Variants in KCNH1 observed in about 807,000 individuals in gnomAD.
KCNH1 encodes potassium voltage-gated channel subfamily H member 1, also known as voltage-gated delayed rectifier potassium channel KCNH1.
Under a neutral mutation model 69.2 loss-of-function variants are expected in KCNH1, and 27 were observed. The observed-to-expected ratio is 0.39, with a 90% CI of 0.29 to 0.54. KCNH1 has a LOEUF of 0.54. KCNH1 is among the 20% of genes least tolerant of loss of function. The pLI is 0.68. For missense variants in KCNH1, 798 were observed against 1,261.6 expected, an observed-to-expected ratio of 0.63 and a Z score of 5.57; for synonymous variants, 456 against 487.7, an observed-to-expected ratio of 0.93 and a Z score of 0.86.
rs761542889 is a variant in KCNH1 at position 210,678,444 on chromosome 1, C to T, written c.*4837G>A. Reference sequence around the variant, plus strand: ...GGGCCTGCACGTTCCTCTTAACATTCCCAAGCCACAGATATACAGTGGTGT... The same window carrying T: ...GGGCCTGCACGTTCCTCTTAACATTTCCAAGCCACAGATATACAGTGGTGT... On this transcript the variant is annotated 3_prime_UTR_variant, in exon 11 of 11. Coordinates refer to ENST00000271751, the MANE Select transcript of KCNH1 (RefSeq NM_172362.3). 2.2e-4 allele frequency: 33 copies of T among 152,082 alleles called. No homozygotes were observed. Among genetic ancestry groups the T allele is most frequent in the Non-Finnish European group, 4.7e-4 (32 of 68,018 alleles). 9.4% of individuals were successfully genotyped at this position (152,082 alleles called of 1,614,324 possible).
intron 9 of KCNH1, among the ~76,000 whole-genome samples, chr1:210,791,024 A>T (rs1303532142): frequency 2.6e-5 from 4 of 152,026 alleles, no homozygotes; most frequent in Non-Finnish European, 4.4e-5. Context: ...AGCTCACATC[A>T]TCTTTTCCAT....
intron 7 of KCNH1, among the ~76,000 whole-genome samples, chr1:210,899,058 T>C (rs1686936047): frequency 6.6e-6 from 1 of 152,170 alleles, no homozygotes; most frequent in Admixed American, 6.5e-5. Flanking sequence ...GACCCTATTT[T>C]ATAGAACCCA....
At chr1:211,031,691 C>T (rs1296881840) in intron 5 of KCNH1, among the ~76,000 whole-genome samples, 2 of 152,124 alleles carry the variant, frequency 1.3e-5, no homozygotes, top group East Asian at 3.8e-4. Context: ...GCAGAAAAGG[C>T]CTTTAACAAA....
At chr1:210,806,836 A>AAAAAAATATATATATATATATATATATAT (rs1553346591) in intron 7 of KCNH1, among the ~76,000 whole-genome samples, 1 of 85,652 alleles carries the variant, frequency 1.2e-5, no homozygotes, top group Non-Finnish European at 2.2e-5. Context: ...AAAAAAAAAA[A>AAAAAAATATATATATATATATATATATAT]ATATATATAT....
At chr1:210,988,324 A>T (rs1007279210) in intron 6 of KCNH1, among the ~76,000 whole-genome samples, 7 of 152,114 alleles carry the variant, frequency 4.6e-5, no homozygotes, top group African/African-American at 7.2e-5. Flanking sequence ...CAGTGAGATG[A>T]ACCCGGTACC....
chr1:211,077,257 G>A (rs1285484152), intron 5 of KCNH1, among the ~76,000 whole-genome samples: 1 of 151,994 alleles, frequency 6.6e-6, no homozygotes, highest in Non-Finnish European at 1.5e-5. Flanking sequence ...GAAATACGGA[G>A]AACTCCACAG....
At chr1:211,018,005 C>T (rs866974805) in intron 6 of KCNH1, among the ~76,000 whole-genome samples, 6 of 152,016 alleles carry the variant, frequency 3.9e-5, no homozygotes, top group Admixed American at 6.6e-5. Flanking sequence ...TTAGTTCCCA[C>T]GAAAGCAAGT....
intron 5 of KCNH1, among the ~76,000 whole-genome samples, chr1:211,054,714 G>T (rs1690271676): frequency 1.3e-5 from 2 of 152,092 alleles, no homozygotes; most frequent in African/African-American, 4.8e-5. Context: ...GCTTCAAAAT[G>T]AGTATATGCT....
At chr1:210,933,911 G>C (rs564679803) in intron 6 of KCNH1, among the ~76,000 whole-genome samples, 1 of 152,114 alleles carries the variant, frequency 6.6e-6, no homozygotes, top group East Asian at 1.9e-4. Context: ...TTTCAAAAAA[G>C]GTCCCAAGGA....
chr1:211,052,961 T>G (rs976533569), intron 5 of KCNH1, among the ~76,000 whole-genome samples: 4 of 152,256 alleles, frequency 2.6e-5, no homozygotes, highest in Admixed American at 2.0e-4. Context: ...CTCAGGCACG[T>G]AAGGAAAGCA....
At chr1:210,852,702 C>A (rs1685733786) in intron 7 of KCNH1, among the ~76,000 whole-genome samples, 1 of 152,162 alleles carries the variant, frequency 6.6e-6, no homozygotes, top group African/African-American at 2.4e-5. Context: ...CCAAGGGAAA[C>A]AATATATGCT....
intron 6 of KCNH1, among the ~76,000 whole-genome samples, chr1:211,002,464 G>T (rs576702672): frequency 6.6e-6 from 1 of 151,504 alleles, no homozygotes; most frequent in African/African-American, 2.4e-5. Context: ...AAGAGATAAA[G>T]CAATCTGTGG....
chr1:210,958,094 G>T (rs12081478), intron 6 of KCNH1, among the ~76,000 whole-genome samples: 1 of 152,062 alleles, frequency 6.6e-6, no homozygotes, highest in South Asian at 2.1e-4. Flanking sequence ...AGGAGCTCTT[G>T]TAAGGCAGGC....
intron 1 of KCNH1, among the ~76,000 whole-genome samples, chr1:211,130,443 G>A (rs1691856724): frequency 6.6e-6 from 1 of 152,064 alleles, no homozygotes; most frequent in South Asian, 2.1e-4. Context: ...GTAAAATAGG[G>A]GCAAGAACCT....
At chr1:210,696,760 G>T (rs1681651055) in intron 10 of KCNH1, among the ~76,000 whole-genome samples, 1 of 152,162 alleles carries the variant, frequency 6.6e-6, no homozygotes, top group African/African-American at 2.4e-5. Flanking sequence ...TTGCTACTCA[G>T]TCTATTTTTC....
chr1:210,863,958 G>A (rs894227374), intron 7 of KCNH1, among the ~76,000 whole-genome samples: 2 of 118,854 alleles, frequency 1.7e-5, no homozygotes, highest in Admixed American at 8.4e-5. Flanking sequence ...CTTCTCAGGA[G>A]AGGGCAATTA....
At chr1:210,741,328 A>T (rs922368604) in intron 10 of KCNH1, among the ~76,000 whole-genome samples, 1 of 152,326 alleles carries the variant, frequency 6.6e-6, no homozygotes, top group South Asian at 2.1e-4. Context: ...TAAATATAAC[A>T]TGCTCCATAT....
In KCNH1 at chr1:210,909,546, C is replaced by A. The variant is rs557880887; in HGVS notation, c.1462+10094G>T. 2.6e-5 allele frequency among the ~76,000 whole-genome samples: 4 copies of A among 152,346 alleles called. No homozygotes were observed. The South Asian group carries it at 8.3e-4, about 32-fold the overall frequency. ...ATTTAATTTGCATCGTTTCCATTTT[C>A]AGAAGAAGAAACGGGCCCAGGACTT... is the stretch of plus-strand genomic sequence containing the variant. On this transcript the variant is annotated intron_variant, in intron 7 of 10. Transcript: ENST00000271751.
chr1:210,822,337 AG>A (rs1296867815), intron 7 of KCNH1, among the ~76,000 whole-genome samples: 1 of 152,084 alleles, frequency 6.6e-6, no homozygotes, highest in Non-Finnish European at 1.5e-5. Flanking sequence ...GAGGATGGAG[AG>A]GCAGGCAGGG....
Sources: gnomAD v4.1 joint callset for allele counts (sites outside exome capture counted in the v4.1 genomes callset) on GRCh38, gnomAD v4.1.1 for gene constraint, MANE v1.5 for transcripts, NCBI Gene and HGNC (gene_info 2026-07-23, HGNC 2026-07-21) for gene names.